Variants in MERTK observed in about 807,000 individuals in gnomAD.
The protein encoded by MERTK is MER proto-oncogene, tyrosine kinase.
A neutral mutation model predicts 99.3 loss-of-function variants in MERTK; 69 were observed. The ratio of observed to expected loss-of-function variants is 0.70; its 90% confidence interval spans 0.57 to 0.85. The LOEUF is 0.85. Ranked by LOEUF, MERTK falls within the 40% of genes least tolerant of loss-of-function variation. The pLI is 0.00. For missense variants in MERTK, 1,125 were observed against 1,249.4 expected, an observed-to-expected ratio of 0.90 and a Z score of 1.50; for synonymous variants, 426 against 467.6, an observed-to-expected ratio of 0.91 and a Z score of 1.15.
Position 111,982,806 on chromosome 2 carries a change from T to C in MERTK, c.1145-36T>C. 2.5e-6 allele frequency: 4 copies of C among 1,610,580 alleles called. No individual in the cohort carries two copies. The African/African-American group carries it at 5.3e-5, about 21-fold the overall frequency. On this transcript the variant is annotated intron_variant, in intron 7 of 18. Transcript: ENST00000295408. ...TGAGAATACATCTGTGTGTGCTTTG[T>C]GGTTCTTCATTCTTCTCTCCTTTTT...
chr2:111,940,469 A>G (rs1684841966), intron 2 of MERTK: 3 of 564,670 alleles, frequency 5.3e-6, no homozygotes, highest in African/African-American at 3.8e-5. Flanking sequence ...CCTGTGTCAA[A>G]ACCAAGAATA....
In MERTK at chr2:111,944,903, A is replaced by G. The variant is rs572274461; in HGVS notation, c.483-57A>G. On this transcript the variant is annotated intron_variant, in intron 2 of 18. Coordinates refer to ENST00000295408, the MANE Select transcript of MERTK (RefSeq NM_006343.3). ...AAGAAGTTGAAGAAGTTTCCATCCT[A>G]TAATAGGAACTCAAAGGGTAGTCAC... 15 of 1,409,496 alleles carry G rather than the reference A, an allele frequency of 1.1e-5. No homozygotes were observed. The African/African-American group carries it at 1.1e-4, about 11-fold the overall frequency. 87.3% of individuals were successfully genotyped at this position (1,409,496 alleles called of 1,614,324 possible).
chr2:111,924,913 G>T (rs893741413), intron 1 of MERTK, among the ~76,000 whole-genome samples: 1 of 152,060 alleles, frequency 6.6e-6, no homozygotes, highest in Non-Finnish European at 1.5e-5. Context: ...CATACTGGCT[G>T]TAGTGTAGGT....
intron 8 of MERTK, among the ~76,000 whole-genome samples, chr2:111,985,807 C>T (rs564960753): frequency 3.7e-4 from 57 of 152,232 alleles, no homozygotes; most frequent in Admixed American, 1.4e-3. Flanking sequence ...CCTCCCATGG[C>T]ACTACAAGTC....
At chr2:111,978,129 TATG>T (rs1558794534) in intron 7 of MERTK, among the ~76,000 whole-genome samples, 25 of 140,504 alleles carry the variant, frequency 1.8e-4, no homozygotes, top group African/African-American at 6.1e-4. Context: ...TTTTTTTTTT[TATG>T]TTTTGTTTTT....
chr2:111,983,066 C>A, intron 8 of MERTK, 73 bp downstream of exon 8: 1 of 1,587,630 alleles, frequency 6.3e-7, no homozygotes, highest in Non-Finnish European at 8.6e-7. Context: ...GTTTTAGAAG[C>A]TTTCATTTGG....
chr2:111,997,192 C>A, intron 9 of MERTK, 131 bp from the exon 10 acceptor site: 2 of 1,081,432 alleles, frequency 1.8e-6, no homozygotes, highest in Non-Finnish European at 2.9e-6. Flanking sequence ...CAAAGTGAGA[C>A]CTGCCTATAT....
At chr2:111,974,788 A>G (rs911750732) in intron 6 of MERTK, among the ~76,000 whole-genome samples, 4 of 143,132 alleles carry the variant, frequency 2.8e-5, no homozygotes, top group Admixed American at 7.0e-5. Flanking sequence ...AAAAAAAAAA[A>G]AAAAGAAAGA....
At chr2:111,982,183 A>C (rs1676386729) in intron 7 of MERTK, among the ~76,000 whole-genome samples, 1 of 151,774 alleles carries the variant, frequency 6.6e-6, no homozygotes. Flanking sequence ...CAGCCACTCA[A>C]GTAGCTGGGA....
chr2:112,021,435 A>C lies in MERTK; in HGVS notation c.2203A>C (p.Met735Leu). ...TGCTCTCTGTAGGTTGCGAGATGACATGACTGTCTGTGTTGCGGACTTCGG... is the reference window on the plus strand; with the variant it reads ...TGCTCTCTGTAGGTTGCGAGATGACCTGACTGTCTGTGTTGCGGACTTCGG... ...AARNCMLRDD[M>L]TVCVADFGLS... Residue 735 changes from methionine (M) to leucine (L), a missense_variant, in exon 17 of 19, where the codon ATG becomes CTG. By Grantham distance (15) the Met-to-Leu change is conservative (BLOSUM62 2). Transcript: ENST00000295408. The C allele has an allele frequency of 5.6e-6, 9 of 1,613,426 alleles. No individual in the cohort carries two copies. Among genetic ancestry groups the C allele is most frequent in the Non-Finnish European group, 7.6e-6 (9 of 1,179,864 alleles).
chr2:111,943,508 CA>C (rs1684901658), intron 2 of MERTK, among the ~76,000 whole-genome samples: 1 of 152,052 alleles, frequency 6.6e-6, no homozygotes, highest in South Asian at 2.1e-4. Flanking sequence ...AACTGCACTC[CA>C]GCTTGGGTGA....
intron 1 of MERTK, among the ~76,000 whole-genome samples, chr2:111,899,401 C>T (rs1683999169): frequency 6.6e-6 from 1 of 152,238 alleles, no homozygotes; most frequent in African/African-American, 2.4e-5. Context: ...TTTTTAGGGG[C>T]ACCCAGAGAG....
At chr2:111,965,050 G>T (rs986441147) in intron 4 of MERTK, 141 bp from the exon 5 acceptor site, 7 of 791,228 alleles carry the variant, frequency 8.8e-6, no homozygotes, top group Non-Finnish European at 1.4e-5. Context: ...TCCATAGCTA[G>T]CACACCTTTT....
intron 4 of MERTK, among the ~76,000 whole-genome samples, chr2:111,948,040 A>T (rs955055218): frequency 2.0e-5 from 3 of 152,026 alleles, no homozygotes; most frequent in Admixed American, 2.0e-4. Flanking sequence ...TTCCATCCAA[A>T]TGAAAGTGGC....
chr2:111,951,522 C>CATATATATATATATATATAT (rs56410508), intron 4 of MERTK, among the ~76,000 whole-genome samples: 2,782 of 85,260 alleles, frequency 0.033, 235 homozygotes, highest in Middle Eastern at 0.054. Flanking sequence ...ATAATATTCC[C>CATATATATATATATATATAT]ATATATATAT....
Position 112,028,347 on chromosome 2 carries a change from T to C in MERTK, c.2487-4T>C, listed in dbSNP as rs764862791. ...GAGACAATCCACTTCTTTTTAACTT[T>C]CAGGTATGAAATAATGTACTCTTGC... On this transcript the variant is annotated splice_polypyrimidine_tract_variant and splice_region_variant and intron_variant, in intron 18 of 18. Transcript: ENST00000295408. 4.3e-6 allele frequency: 7 copies of C among 1,614,002 alleles called. No individual in the cohort carries two copies. Among genetic ancestry groups the C allele is most frequent in the Non-Finnish European group, 5.9e-6 (7 of 1,179,970 alleles).
At chr2:111,964,043 C>CTTTTTTTTTTT (rs56693776) in intron 4 of MERTK, among the ~76,000 whole-genome samples, 15 of 103,852 alleles carry the variant, frequency 1.4e-4, no homozygotes, top group African/African-American at 3.2e-4. Context: ...AATTTTCTTT[C>CTTTTTTTTTTT]TTTTTTTTTT....
At chr2:111,938,855 A>G (rs1050532808) in intron 2 of MERTK, among the ~76,000 whole-genome samples, 1 of 152,140 alleles carries the variant, frequency 6.6e-6, no homozygotes, top group African/African-American at 2.4e-5. Context: ...TTCCAGAGAT[A>G]TTCAATCCCT....
At chr2:111,918,520 G>T (rs1301545863) in intron 1 of MERTK, among the ~76,000 whole-genome samples, 1 of 152,224 alleles carries the variant, frequency 6.6e-6, no homozygotes, top group African/African-American at 2.4e-5. Flanking sequence ...ACCCTGGCCA[G>T]ACAGTATTGC....
Sources: gnomAD v4.1 joint callset for allele counts (sites outside exome capture counted in the v4.1 genomes callset) on GRCh38, gnomAD v4.1.1 for gene constraint, MANE v1.5 for transcripts, NCBI Gene and HGNC (gene_info 2026-07-23, HGNC 2026-07-21) for gene names.